The following CKAP2L variants were observed in gnomAD, a reference collection of about 807,000 sequenced individuals.
The protein encoded by CKAP2L is cytoskeleton associated protein 2L.
CKAP2L carries 42 observed loss-of-function variants against 65.7 expected under a neutral mutation model. The ratio of observed to expected loss-of-function variants is 0.64; its 90% CI spans 0.50 to 0.83. The LOEUF is 0.83. Among genes scored for constraint, CKAP2L ranks in the 40% least tolerant of loss-of-function variants. The pLI is 0.00. For missense variants in CKAP2L, 908 were observed against 871.0 expected, an observed-to-expected ratio of 1.04 and a Z score of -0.53; for synonymous variants, 325 against 313.5, an observed-to-expected ratio of 1.04 and a Z score of -0.39.
intron 6 of CKAP2L, among the ~76,000 whole-genome samples, chr2:112,745,271 C>T (rs1309008214): frequency 6.6e-6 from 1 of 152,028 alleles, no homozygotes; most frequent in African/African-American, 2.4e-5. Context: ...ATAATAAATA[C>T]TCAGAAAACT....
intron 3 of CKAP2L, among the ~76,000 whole-genome samples, chr2:112,759,650 G>A (rs1680658096): frequency 6.6e-6 from 1 of 152,146 alleles, no homozygotes; most frequent in African/African-American, 2.4e-5. Context: ...AAGTAAAAGT[G>A]TAACCCAGTG....
chr2:112,746,136 G>C (rs1680192190), intron 6 of CKAP2L, among the ~76,000 whole-genome samples: 1 of 152,026 alleles, frequency 6.6e-6, no homozygotes, highest in Non-Finnish European at 1.5e-5. Flanking sequence ...TTAAGGAAAA[G>C]CATTATAAAA....
At chr2:112,746,645 T>C in intron 5 of CKAP2L, 70 bp from the exon 6 acceptor site, 1 of 1,193,932 alleles carries the variant, frequency 8.4e-7, no homozygotes, top group Non-Finnish European at 1.2e-6. Context: ...TCCTAATATT[T>C]ATTACAGCAG....
chr2:112,742,597 G>A (rs1680047013), intron 7 of CKAP2L, 109 bp downstream of exon 7: 1 of 785,860 alleles, frequency 1.3e-6, no homozygotes, highest in Non-Finnish European at 2.2e-6. Context: ...AAACCAAGAA[G>A]TGAGAAGCAT....
chr2:112,757,763 G>A (rs1680590661), intron 3 of CKAP2L, among the ~76,000 whole-genome samples: 1 of 152,174 alleles, frequency 6.6e-6, no homozygotes, highest in African/African-American at 2.4e-5. Context: ...GAATTAAGCA[G>A]AGATGCAGTG....
At chr2:112,762,609 T>G in intron 1 of CKAP2L, 40 bp from the exon 2 acceptor site, 1 of 1,535,758 alleles carries the variant, frequency 6.5e-7, no homozygotes, top group Non-Finnish European at 9.0e-7. Context: ...TAACTTTAGT[T>G]CAAGATTTTA....
At chr2:112,764,467 G>A (rs989852398) in intron 1 of CKAP2L, 95 bp downstream of exon 1, 24 of 1,361,678 alleles carry the variant, frequency 1.8e-5, no homozygotes, top group Non-Finnish European at 2.1e-5. Context: ...GCGAGCGGAC[G>A]GGCACCTCCC....
chr2:112,760,334 G>A (rs1387887689), intron 3 of CKAP2L, among the ~76,000 whole-genome samples: 3 of 152,152 alleles, frequency 2.0e-5, no homozygotes, highest in East Asian at 1.9e-4. Flanking sequence ...ATAGCTATAC[G>A]ACCTATTTAA....
intron 1 of CKAP2L, 83 bp from the exon 2 acceptor site, chr2:112,762,652 T>C: frequency 8.7e-7 from 1 of 1,154,578 alleles, no homozygotes; most frequent in Non-Finnish European, 1.3e-6. Flanking sequence ...AGATGACACT[T>C]TTCTCTAGTG....
rs142548735 is a variant in CKAP2L, at chr2:112,745,239, G to A, written c.1758+1181C>T. Among the ~76,000 whole-genome samples, 129 of 152,268 alleles carry A rather than the reference G, an allele frequency of 8.5e-4. 1 individual carries two copies. The East Asian group carries it at 0.021, about 25-fold the overall frequency. On this transcript the variant is annotated intron_variant, in intron 6 of 8. Coordinates refer to ENST00000302450, the MANE Select transcript of CKAP2L (RefSeq NM_152515.5). ...GTATTGAGGAACTTAGACAATTAGCGAAGAGTTTGTGAATTAATTATATAA... is the reference window on the plus strand; with the variant it reads ...GTATTGAGGAACTTAGACAATTAGCAAAGAGTTTGTGAATTAATTATATAA...
Position 112,760,723 on chromosome 2 carries a change from G to T in CKAP2L, c.146C>A (p.Pro49His). The T allele has an allele frequency of 1.3e-6, 2 of 1,490,326 alleles. No homozygotes were observed. Among genetic ancestry groups the T allele is most frequent in the Non-Finnish European group, 1.8e-6 (2 of 1,082,014 alleles). The allele number at this position is 1,490,326 out of a possible 1,614,324, so 92.3% of individuals were successfully genotyped here. ...CTAATTTCTACTTACAGATTTAGAAGGTGGTTGATTCTGGCAATTATTCTT... is the reference window on the plus strand; with the variant it reads ...CTAATTTCTACTTACAGATTTAGAATGTGGTTGATTCTGGCAATTATTCTT... ...KSKNNCQNQP[P>H]SKSTIRPKND... Residue 49 changes from proline to histidine, a missense_variant, in exon 3 of 9, where the codon CCT (proline) becomes CAT (histidine). Coordinates refer to ENST00000302450, the MANE Select transcript of CKAP2L (RefSeq NM_152515.5).
chr2:112,742,234 AAT>A (rs1680022842), intron 7 of CKAP2L, among the ~76,000 whole-genome samples: 2 of 152,244 alleles, frequency 1.3e-5, no homozygotes, highest in African/African-American at 4.8e-5. Flanking sequence ...TGTTTGGCAC[AAT>A]ATATGTCTCA....
intron 5 of CKAP2L, among the ~76,000 whole-genome samples, chr2:112,747,179 C>T (rs1430293662): frequency 3.3e-5 from 5 of 151,808 alleles, no homozygotes; most frequent in Non-Finnish European, 7.4e-5. Flanking sequence ...CAACCTCTAC[C>T]TCCTGGGATC....
At chr2:112,747,004 T>TG (rs1680222796) in intron 5 of CKAP2L, among the ~76,000 whole-genome samples, 1 of 152,156 alleles carries the variant, frequency 6.6e-6, no homozygotes, top group Non-Finnish European at 1.5e-5. Flanking sequence ...TTAGCCAGGA[T>TG]GGTCTTGATC....
Position 112,764,574 on chromosome 2 carries a change from C to G in CKAP2L, c.25G>C (p.Ala9Pro). The change falls in exon 1 of 9, where the codon GCT becomes CCT. Residue 9 changes from alanine (A) to proline (P), a missense_variant. Coordinates refer to ENST00000302450, the MANE Select transcript of CKAP2L (RefSeq NM_152515.5). MVGPGPTAAAAVEERQRKL... is the reference protein window; with the variant it reads MVGPGPTAPAAVEERQRKL... ...CGGTCGTACTCACCGACAGCGGCAG[C>G]AGCGGTAGGCCCGGGCCCCACCATG... The G allele has an allele frequency of 6.2e-7, 1 of 1,614,180 alleles. No individual in the cohort carries two copies. Among genetic ancestry groups the G allele is most frequent in the South Asian group, 1.1e-5 (1 of 91,090 alleles).
chr2:112,756,309 A>C lies in CKAP2L; in HGVS notation c.1062T>G (p.Asp354Glu). 1 of 1,613,802 alleles carries C rather than the reference A, an allele frequency of 6.2e-7. No homozygotes were observed. The highest frequency in any genetic ancestry group is 8.5e-7 in the Non-Finnish European group (1 of 1,179,900). ...YNNRHPNIKQ[D>E]QKSSQVCIPQ... ...GTATACAAACTTGGCTGGACTTCTG[A>C]TCTTGCTTGATGTTTGGATGTCTGT... Residue 354 changes from aspartate to glutamate, a missense_variant, in exon 4 of 9, where the codon GAT becomes GAG. Asp to Glu is a conservative substitution (Grantham distance 45, BLOSUM62 2). Coordinates refer to ENST00000302450, the MANE Select transcript of CKAP2L (RefSeq NM_152515.5).
chr2:112,745,240 A>G (rs1437712571), intron 6 of CKAP2L, among the ~76,000 whole-genome samples: 1 of 152,240 alleles, frequency 6.6e-6, no homozygotes, highest in African/African-American at 2.4e-5. Flanking sequence ...ACAATTAGCG[A>G]AGAGTTTGTG....
intron 6 of CKAP2L, 24 bp from the exon 7 acceptor site, chr2:112,742,793 C>T (rs372935863): frequency 1.3e-6 from 2 of 1,569,594 alleles, no homozygotes; most frequent in Non-Finnish European, 1.7e-6. Context: ...AGAAAACATA[C>T]AAAATCTTAA....
rs41332549 is a variant in CKAP2L at position 112,762,448 on chromosome 2, T to C, written c.104+55A>G. On this transcript the variant is annotated intron_variant, in intron 2 of 8. Coordinates refer to ENST00000302450, the MANE Select transcript of CKAP2L (RefSeq NM_152515.5). ...GGACATTTTTCAAAAAGGCTTTAAA[T>C]TGCTAGTACAAAGAAGGCAACAAAA... The C allele has an allele frequency of 1.6e-3, 2,080 of 1,327,748 alleles. 30 individuals carry two copies. In the African/African-American group the frequency reaches 0.027, roughly 17 times the overall value. 82.2% of individuals were successfully genotyped at this position (1,327,748 alleles called of 1,614,324 possible).
Sources: gnomAD v4.1 joint callset for allele counts (sites outside exome capture counted in the v4.1 genomes callset) on GRCh38, gnomAD v4.1.1 for gene constraint, MANE v1.5 for transcripts, NCBI Gene and HGNC (gene_info 2026-07-23, HGNC 2026-07-21) for gene names.